Variants in PXDNL observed in about 807,000 individuals in gnomAD.
PXDNL encodes probable oxidoreductase PXDNL.
In PXDNL, 145 loss-of-function variants were observed where a neutral mutation model predicts 150.8. The observed-to-expected ratio is 0.96, with a 90% CI of 0.84 to 1.10. The LOEUF is 1.10. Ranked by LOEUF, PXDNL falls within the 50% of genes least tolerant of loss-of-function variation. The pLI is 0.00. For missense variants in PXDNL, 2,087 were observed against 1,873.9 expected, an observed-to-expected ratio of 1.11 and a Z score of -2.10; for synonymous variants, 757 against 725.7, an observed-to-expected ratio of 1.04 and a Z score of -0.69.
chr8:51,473,745 TAAA>T, intron 7 of PXDNL, among the ~76,000 whole-genome samples: 1 of 129,924 alleles, frequency 7.7e-6, no homozygotes, highest in African/African-American at 2.8e-5. Flanking sequence ...ATGTCTAATT[TAAA>T]AAAAAAAAAA....
chr8:51,322,108 T>G (rs1272014103), intron 21 of PXDNL, among the ~76,000 whole-genome samples: 2 of 152,172 alleles, frequency 1.3e-5, no homozygotes, highest in Non-Finnish European at 2.9e-5. Flanking sequence ...AGCCAAGGCG[T>G]GAGGCCTTGG....
intron 4 of PXDNL, among the ~76,000 whole-genome samples, chr8:51,546,986 C>T (rs79897318): frequency 0.03 from 4,525 of 152,192 alleles, 239 homozygotes; most frequent in African/African-American, 0.1. Context: ...TCACAGTGCC[C>T]GCAGCAAGCC....
At chr8:51,702,966 A>G (rs370350935) in intron 1 of PXDNL, among the ~76,000 whole-genome samples, 7 of 152,254 alleles carry the variant, frequency 4.6e-5, no homozygotes, top group African/African-American at 1.7e-4. Flanking sequence ...ATTTTTCATT[A>G]TCTCATTTTT....
chr8:51,585,966 C>T (rs2130640164), intron 3 of PXDNL, among the ~76,000 whole-genome samples: 1 of 152,186 alleles, frequency 6.6e-6, no homozygotes, highest in East Asian at 1.9e-4. Flanking sequence ...TGATTGCAAC[C>T]TGTACCTCAA....
At chr8:51,678,081 G>A (rs774746302) in intron 1 of PXDNL, among the ~76,000 whole-genome samples, 7 of 152,128 alleles carry the variant, frequency 4.6e-5, no homozygotes, top group Non-Finnish European at 8.8e-5. Context: ...ACAGAACATC[G>A]TGTATGAAGA....
chr8:51,608,054 AAAGCAAGCAAGCAAGCAAGCAAGCAAGC>A (rs755666717), intron 2 of PXDNL, among the ~76,000 whole-genome samples: 13 of 111,704 alleles, frequency 1.2e-4, no homozygotes, highest in African/African-American at 3.0e-4. Flanking sequence ...AGAAAGAAAG[AAAGCAAGCAAGCAAGCAAGCAAGCAAGC>A]AAGCAAGCAA....
chr8:51,584,407 T>C (rs1813278152), intron 3 of PXDNL, among the ~76,000 whole-genome samples: 1 of 152,190 alleles, frequency 6.6e-6, no homozygotes, highest in Non-Finnish European at 1.5e-5. Context: ...CCTACAATTT[T>C]TCTTAGAAGG....
At chr8:51,552,340 C>G (rs1476350835) in intron 4 of PXDNL, among the ~76,000 whole-genome samples, 1 of 151,990 alleles carries the variant, frequency 6.6e-6, no homozygotes, top group African/African-American at 2.4e-5. Context: ...TATCTACCCA[C>G]AGAAAAAGAA....
chr8:51,525,818 A>G (rs1194197245), intron 4 of PXDNL, among the ~76,000 whole-genome samples: 1 of 152,128 alleles, frequency 6.6e-6, no homozygotes, highest in Non-Finnish European at 1.5e-5. Flanking sequence ...ACAGCTCGTC[A>G]CCCAGGAAAT....
chr8:51,650,990 C>T (rs1585649202), intron 2 of PXDNL, among the ~76,000 whole-genome samples: 2 of 152,062 alleles, frequency 1.3e-5, no homozygotes, highest in South Asian at 2.1e-4. Flanking sequence ...TTACAAAAAT[C>T]CAAAGGATAT....
intron 1 of PXDNL, among the ~76,000 whole-genome samples, chr8:51,688,946 T>C (rs1437197588): frequency 2.6e-5 from 4 of 152,230 alleles, no homozygotes. Flanking sequence ...TTGCTTTACA[T>C]TGCTGTAAAT....
rs749672918 is a variant in PXDNL, at chr8:51,472,312, A to G, written c.695-8T>C. ...AAGTAATTCGGGGGCTCTCTGCAAC[A>G]AAAGAATTATTGATGTATTTTTCAG... On this transcript the variant is annotated splice_region_variant and splice_polypyrimidine_tract_variant and intron_variant, in intron 7 of 22. Transcript: ENST00000356297. 211 of 1,601,160 alleles carry G rather than the reference A, an allele frequency of 1.3e-4. No individual in the cohort carries two copies. The highest frequency in any genetic ancestry group is 1.6e-5 in the Non-Finnish European group (19 of 1,169,264).
At chr8:51,751,930 G>A (rs942553103) in intron 1 of PXDNL, among the ~76,000 whole-genome samples, 3 of 152,096 alleles carry the variant, frequency 2.0e-5, no homozygotes, top group East Asian at 1.9e-4. Flanking sequence ...GCTATTTCTT[G>A]TGGCCCAATA....
intron 1 of PXDNL, among the ~76,000 whole-genome samples, chr8:51,762,426 T>C (rs2131000891): frequency 6.6e-6 from 1 of 152,244 alleles, no homozygotes; most frequent in South Asian, 2.1e-4. Context: ...AGCTTTTAAG[T>C]CCAATAAGAA....
intron 1 of PXDNL, among the ~76,000 whole-genome samples, chr8:51,689,828 C>T (rs1227724351): frequency 6.6e-6 from 1 of 152,200 alleles, no homozygotes; most frequent in African/African-American, 2.4e-5. Flanking sequence ...ACAGTGTGGG[C>T]CGTCACTCAA....
chr8:51,494,945 A>G (rs1487674077), intron 5 of PXDNL, among the ~76,000 whole-genome samples: 4 of 152,158 alleles, frequency 2.6e-5, no homozygotes, highest in African/African-American at 7.2e-5. Flanking sequence ...AGACATCTAC[A>G]GAACTCTCCA....
chr8:51,540,853 T>C (rs1812199632), intron 4 of PXDNL, among the ~76,000 whole-genome samples: 1 of 152,224 alleles, frequency 6.6e-6, no homozygotes, highest in Non-Finnish European at 1.5e-5. Context: ...TTTTGGCACC[T>C]TGTATTTTGT....
chr8:51,731,972 T>TC (rs1345039534), intron 1 of PXDNL, among the ~76,000 whole-genome samples: 15 of 152,190 alleles, frequency 9.9e-5, no homozygotes, highest in Non-Finnish European at 1.9e-4. Flanking sequence ...GAAGATATTT[T>TC]CCCCATTGTC....
At chr8:51,533,846 T>A (rs902386190) in intron 4 of PXDNL, among the ~76,000 whole-genome samples, 1 of 150,122 alleles carries the variant, frequency 6.7e-6, no homozygotes, top group African/African-American at 2.5e-5. Context: ...AACCTCCACC[T>A]CCCAGCCGCC....
Sources: allele counts gnomAD v4.1 joint callset (sites outside exome capture counted in the v4.1 genomes callset), GRCh38; gene constraint gnomAD v4.1.1; transcripts MANE v1.5; gene names NCBI Gene and HGNC (gene_info 2026-07-23, HGNC 2026-07-21).